The following ADAMTS18 variants were observed in gnomAD, a reference collection of about 807,000 sequenced individuals.
The protein encoded by ADAMTS18 is ADAM metallopeptidase with thrombospondin type 1 motif 18, also known as A disintegrin and metalloproteinase with thrombospondin motifs 18.
In ADAMTS18, 157 loss-of-function variants were observed where a neutral mutation model predicts 165.9. That is an observed-to-expected ratio of 0.95 (90% CI 0.83 to 1.08). The LOEUF (loss-of-function observed/expected upper bound fraction) is 1.08, where lower values mean the gene tolerates loss of function less well. ADAMTS18 is among the 50% of genes least tolerant of loss of function. The pLI is 0.00. For missense variants in ADAMTS18, 2,040 were observed against 1,534.0 expected (o/e 1.33, Z -5.51); for synonymous variants, 782 against 578.2 (o/e 1.35, Z -5.06).
intron 17 of ADAMTS18, among the ~76,000 whole-genome samples, chr16:77,299,516 G>A (rs1203756387): frequency 1.3e-5 from 2 of 152,086 alleles, no homozygotes; most frequent in Non-Finnish European, 2.9e-5. Flanking sequence ...TTAGTGGGAT[G>A]GAACCAGTAG....
chr16:77,378,348 AAC>A (rs1491023117), intron 3 of ADAMTS18, among the ~76,000 whole-genome samples: 108 of 57,390 alleles, frequency 1.9e-3, no homozygotes, highest in African/African-American at 5.0e-3. Context: ...AACAAAAAAA[AAC>A]AAAAAAAAAA....
chr16:77,309,567 T>C (rs2055742687), intron 16 of ADAMTS18, among the ~76,000 whole-genome samples: 1 of 152,190 alleles, frequency 6.6e-6, no homozygotes, highest in Non-Finnish European at 1.5e-5. Context: ...GTGATAAAAG[T>C]GAAGGTCTGT....
intron 7 of ADAMTS18, 115 bp downstream of exon 7, chr16:77,361,990 T>A (rs2056721684): frequency 1.1e-5 from 13 of 1,234,548 alleles, no homozygotes; most frequent in Non-Finnish European, 1.4e-5. Flanking sequence ...TACTCCATAA[T>A]TTAAATATTA....
At chr16:77,364,838 G>A (rs1008855325) in intron 4 of ADAMTS18, among the ~76,000 whole-genome samples, 9 of 152,030 alleles carry the variant, frequency 5.9e-5, no homozygotes, top group Non-Finnish European at 8.8e-5. Flanking sequence ...AGGCGTGGTG[G>A]CTCACGCCCG....
chr16:77,434,140 GC>G (rs1433516408), intron 2 of ADAMTS18, among the ~76,000 whole-genome samples: 1 of 132,536 alleles, frequency 7.5e-6, no homozygotes, highest in East Asian at 2.0e-4. Context: ...ATTTCTCACT[GC>G]AGTTAGGATT....
intron 3 of ADAMTS18, among the ~76,000 whole-genome samples, chr16:77,402,843 C>T (rs560623347): frequency 1.3e-5 from 2 of 152,282 alleles, no homozygotes; most frequent in East Asian, 3.9e-4. Context: ...GAACTCCAGC[C>T]AAGGTTGAAT....
intron 3 of ADAMTS18, among the ~76,000 whole-genome samples, chr16:77,412,911 G>A (rs1156671148): frequency 6.6e-6 from 1 of 151,882 alleles, no homozygotes; most frequent in African/African-American, 2.4e-5. Context: ...TGCCCAGGCT[G>A]GTCTTGAACT....
At chr16:77,365,403 T>C (rs2056778582) in intron 4 of ADAMTS18, among the ~76,000 whole-genome samples, 1 of 152,238 alleles carries the variant, frequency 6.6e-6, no homozygotes, top group South Asian at 2.1e-4. Context: ...ATAGTGGGCA[T>C]GTCTTAAACT....
chr16:77,352,875 C>T (rs111754107), intron 10 of ADAMTS18, among the ~76,000 whole-genome samples: 3,707 of 151,876 alleles, frequency 0.024, 56 homozygotes, highest in South Asian at 0.053. Flanking sequence ...CTTGGGAGGC[C>T]GAGGTGGGAG....
rs991611946 is a variant in ADAMTS18 at position 77,324,893 on chromosome 16, T to G, written c.2032+973A>C. On this transcript the variant is annotated intron_variant, in intron 13 of 22. Coordinates refer to ENST00000282849, the MANE Select transcript of ADAMTS18 (RefSeq NM_199355.4). ...GACACAGCTTTGGAATTGTCATGTC[T>G]GTCTCTATCTATACTTCCTGGCAAA... is the stretch of plus-strand genomic sequence containing the variant. Among the ~76,000 whole-genome samples the G allele has an allele frequency of 2.7e-5, 4 of 146,758 alleles. No individual in the cohort carries two copies. The Admixed American group carries it at 2.9e-4, about 10-fold the overall frequency.
chr16:77,308,243 G>T (rs2055716748), intron 16 of ADAMTS18, among the ~76,000 whole-genome samples: 1 of 152,078 alleles, frequency 6.6e-6, no homozygotes, highest in African/African-American at 2.4e-5. Flanking sequence ...AAACACAGGT[G>T]GTCATATTTC....
intron 3 of ADAMTS18, among the ~76,000 whole-genome samples, chr16:77,400,517 T>C: frequency 6.7e-6 from 1 of 150,238 alleles, no homozygotes; most frequent in East Asian, 2.0e-4. Context: ...AGTCTCGCTC[T>C]GTCGCCCAGG....
intron 10 of ADAMTS18, among the ~76,000 whole-genome samples, chr16:77,349,691 A>G: frequency 6.6e-6 from 1 of 152,100 alleles, no homozygotes; most frequent in East Asian, 1.9e-4. Flanking sequence ...AAAGGCATAG[A>G]CCTGTCTCCC....
chr16:77,365,708 C>T (rs1054061952), intron 4 of ADAMTS18, among the ~76,000 whole-genome samples: 1 of 152,174 alleles, frequency 6.6e-6, no homozygotes, highest in Admixed American at 6.5e-5. Flanking sequence ...ACCTGGAAAG[C>T]TCAGGGAAGT....
intron 3 of ADAMTS18, among the ~76,000 whole-genome samples, chr16:77,379,908 C>T (rs897777928): frequency 6.6e-6 from 1 of 152,188 alleles, no homozygotes; most frequent in Non-Finnish European, 1.5e-5. Flanking sequence ...CACGCAGCTG[C>T]ATCACTGGGC....
rs115774407 is a variant in ADAMTS18 at position 77,299,496 on chromosome 16, C to T, written c.2674+767G>A. On this transcript the variant is annotated intron_variant, in intron 17 of 22. Coordinates refer to ENST00000282849, the MANE Select transcript of ADAMTS18 (RefSeq NM_199355.4). ...CTTTGCTCTGTCTCTGATTCTAAGCCTTATTATGCTTAGTGGGATGGAACC... is the reference window on the plus strand; with the variant it reads ...CTTTGCTCTGTCTCTGATTCTAAGCTTTATTATGCTTAGTGGGATGGAACC... 7.5e-3 allele frequency among the ~76,000 whole-genome samples: 1,138 copies of T among 152,220 alleles called. 24 individuals carry two copies. Among genetic ancestry groups the T allele is most frequent in the African/African-American group, 0.027 (1,103 of 41,542 alleles).
Position 77,427,006 on chromosome 16 carries a change from C to A in ADAMTS18, c.495+4289G>T, listed in dbSNP as rs570482127. On this transcript the variant is annotated intron_variant, in intron 3 of 22. Coordinates refer to ENST00000282849, the MANE Select transcript of ADAMTS18 (RefSeq NM_199355.4). ...TCAAGCCCAGATGACAGAGTAAGACCCTGTCTCTAAAAATATAAGAACAAT... is the reference window on the plus strand; with the variant it reads ...TCAAGCCCAGATGACAGAGTAAGACACTGTCTCTAAAAATATAAGAACAAT... Among the ~76,000 whole-genome samples the A allele has an allele frequency of 2.6e-5, 4 of 152,152 alleles. No individual in the cohort carries two copies. The East Asian group carries it at 5.8e-4, about 22-fold the overall frequency.
At chr16:77,303,299 C>A (rs1207477241) in intron 16 of ADAMTS18, among the ~76,000 whole-genome samples, 2 of 152,150 alleles carry the variant, frequency 1.3e-5, no homozygotes, top group Non-Finnish European at 1.5e-5. Flanking sequence ...TGCATGGCTA[C>A]GGATGACACC....
At chr16:77,379,331 C>A (rs970862791) in intron 3 of ADAMTS18, among the ~76,000 whole-genome samples, 1 of 151,656 alleles carries the variant, frequency 6.6e-6, no homozygotes, top group Admixed American at 6.6e-5. Flanking sequence ...GTTTGGCTAG[C>A]ATCATGGGGA....
Sources: allele counts gnomAD v4.1 joint callset (sites outside exome capture counted in the v4.1 genomes callset), GRCh38; gene constraint gnomAD v4.1.1; transcripts MANE v1.5; gene names NCBI Gene and HGNC (gene_info 2026-07-23, HGNC 2026-07-21).